Variants in PKNOX1 observed in about 807,000 individuals in gnomAD.
PKNOX1 encodes PBX/knotted 1 homeobox 1.
In PKNOX1, 15 loss-of-function variants were observed where a neutral mutation model predicts 51.9. That is an observed-to-expected ratio of 0.29 (90% CI 0.19 to 0.45). PKNOX1 has a LOEUF of 0.45. Ranked by LOEUF, PKNOX1 falls within the 20% of genes least tolerant of loss-of-function variation. The pLI, the probability that PKNOX1 is intolerant of heterozygous loss-of-function variation, is 1.00. For synonymous variants in PKNOX1, 219 were observed against 211.1 expected (o/e 1.04, Z -0.32); for missense variants, 462 against 547.5 (o/e 0.84, Z 1.56).
At chr21:42,974,705 TCTC>T in intron 1 of PKNOX1, 41 bp downstream of exon 1, 1 of 161,178 alleles carries the variant, frequency 6.2e-6, no homozygotes, top group Non-Finnish European at 1.3e-5. Flanking sequence ...CCGCCGCCGC[TCTC>T]GCCGCCGCCG....
intron 1 of PKNOX1, among the ~76,000 whole-genome samples, chr21:43,001,314 C>G (rs933205693): frequency 2.6e-5 from 4 of 152,186 alleles, no homozygotes; most frequent in Non-Finnish European, 5.9e-5. Context: ...CAAGGGTGTA[C>G]CTGTGTTGAT....
chr21:43,017,953 T>TA, intron 6 of PKNOX1, 180 bp from the exon 7 acceptor site: 2 of 551,684 alleles, frequency 3.6e-6, no homozygotes, highest in Admixed American at 6.5e-5. Context: ...CTCACATCTG[T>TA]AATTCCAGCA....
chr21:43,007,361 A>G (rs564145127), intron 2 of PKNOX1, 130 bp from the exon 3 acceptor site: 5 of 801,030 alleles, frequency 6.2e-6, no homozygotes, highest in Non-Finnish European at 1.0e-5. Flanking sequence ...TGTTGGTAGC[A>G]TTCTTTACAT....
chr21:42,986,961 G>C (rs995968130), intron 1 of PKNOX1, among the ~76,000 whole-genome samples: 1 of 152,124 alleles, frequency 6.6e-6, no homozygotes, highest in Non-Finnish European at 1.5e-5. Flanking sequence ...TGCTAGGCGC[G>C]GCACCTGGTG....
chr21:42,995,012 C>T (rs1426498698), intron 1 of PKNOX1, among the ~76,000 whole-genome samples: 16 of 148,994 alleles, frequency 1.1e-4, no homozygotes. Flanking sequence ...GCCTCCGCCT[C>T]CTGGGTTCAA....
At chr21:42,997,906 G>T (rs1478486529) in intron 1 of PKNOX1, among the ~76,000 whole-genome samples, 1 of 152,154 alleles carries the variant, frequency 6.6e-6, no homozygotes, top group East Asian at 1.9e-4. Context: ...AGTGCGGAAG[G>T]GGGTCAGTAA....
intron 2 of PKNOX1, 55 bp downstream of exon 2, chr21:43,004,487 A>AATGTTCATGCTTGAG: frequency 8.6e-7 from 1 of 1,166,162 alleles, no homozygotes; most frequent in Non-Finnish European, 1.3e-6. Context: ...GCACTCAAGC[A>AATGTTCATGCTTGAG]TGAACATTGC....
At chr21:43,002,411 C>T (rs924268565) in intron 1 of PKNOX1, among the ~76,000 whole-genome samples, 3 of 9,656 alleles carry the variant, frequency 3.1e-4, no homozygotes, top group Non-Finnish European at 6.8e-4. Flanking sequence ...TGTGCCCCCT[C>T]CCTTGTATCC....
chr21:43,018,084 A>T lies in PKNOX1; in HGVS notation c.623-49A>T, dbSNP rs910889524. On this transcript the variant is annotated intron_variant, in intron 6 of 10. Coordinates refer to ENST00000291547, the MANE Select transcript of PKNOX1 (RefSeq NM_004571.5). ...AAAAAAAAAAAAGAAGAATGGTTTA[A>T]ATCATTGAGACTTAAAAGCAGCCTC... 4 of 792,812 alleles carry T rather than the reference A, an allele frequency of 5.0e-6. No individual in the cohort carries two copies. In the African/African-American group the frequency reaches 5.5e-5, roughly 11 times the overall value. The allele number at this position is 792,812 out of a possible 1,614,324, so 49.1% of individuals were successfully genotyped here.
chr21:43,010,603 G>A (rs1490798689), intron 4 of PKNOX1, among the ~76,000 whole-genome samples: 3 of 151,990 alleles, frequency 2.0e-5, no homozygotes, highest in Non-Finnish European at 4.4e-5. Flanking sequence ...TGTAATCCCA[G>A]CACTTTGGGA....
At chr21:43,022,536 C>T (rs1979807983) in intron 8 of PKNOX1, among the ~76,000 whole-genome samples, 3 of 152,190 alleles carry the variant, frequency 2.0e-5, no homozygotes, top group Admixed American at 2.0e-4. Flanking sequence ...GCCTGGGCTG[C>T]GCCTCTTCTG....
At chr21:42,994,607 C>A (rs180808924) in intron 1 of PKNOX1, among the ~76,000 whole-genome samples, 2 of 151,928 alleles carry the variant, frequency 1.3e-5, no homozygotes, top group Admixed American at 1.3e-4. Context: ...TACCTAGATT[C>A]AACAGTTATT....
At chr21:42,978,080 A>ACTG (rs2059006771) in intron 1 of PKNOX1, among the ~76,000 whole-genome samples, 2 of 152,028 alleles carry the variant, frequency 1.3e-5, no homozygotes, top group Admixed American at 1.3e-4. Flanking sequence ...ATCATGGCTC[A>ACTG]CTGCAACCTC....
At position 43,008,061 on chromosome 21, in the gene PKNOX1, T is replaced by TCACACACA. The variant is rs56932866; in HGVS notation, c.179+472_179+479dup. Reference sequence around the variant, plus strand: ...CCTGGGCAACGAGAGCAAAACTCTGTCACACACACACACACACACACACAC... The same window carrying TCACACACA: ...CCTGGGCAACGAGAGCAAAACTCTGTCACACACACACACACACACACACACACACACAC... On this transcript the variant is annotated intron_variant, in intron 3 of 10. Transcript: ENST00000291547. Among the ~76,000 whole-genome samples the TCACACACA allele has an allele frequency of 8.9e-3, 1,303 of 146,856 alleles. 11 individuals carry two copies. Among genetic ancestry groups the TCACACACA allele is most frequent in the Middle Eastern group, 0.021 (6 of 292 alleles).
chr21:43,027,362 T>C (rs1001030308), intron 9 of PKNOX1, among the ~76,000 whole-genome samples: 31 of 152,196 alleles, frequency 2.0e-4, no homozygotes, highest in African/African-American at 6.8e-4. Context: ...TTTCAGCTCT[T>C]TTTGTAGCAA....
intron 2 of PKNOX1, among the ~76,000 whole-genome samples, chr21:43,005,734 G>A (rs187106505): frequency 2.0e-5 from 3 of 152,024 alleles, no homozygotes; most frequent in South Asian, 2.1e-4. Context: ...CTGGAGCACC[G>A]GTCCTCACTG....
chr21:43,013,997 G>C (rs1979367430), intron 5 of PKNOX1, among the ~76,000 whole-genome samples: 1 of 147,164 alleles, frequency 6.8e-6, no homozygotes, highest in African/African-American at 2.5e-5. Context: ...TTGATAAAAT[G>C]TCTGCTGCTT....
intron 1 of PKNOX1, among the ~76,000 whole-genome samples, chr21:42,998,540 C>T (rs950713031): frequency 1.3e-5 from 2 of 152,152 alleles, no homozygotes; most frequent in Non-Finnish European, 2.9e-5. Flanking sequence ...AAGTCCCTTC[C>T]ATGTATGAGC....
At chr21:43,015,808 T>C (rs1163994049) in intron 5 of PKNOX1, among the ~76,000 whole-genome samples, 5 of 152,062 alleles carry the variant, frequency 3.3e-5, no homozygotes, top group African/African-American at 1.2e-4. Flanking sequence ...ATTGATCTTT[T>C]GTGTCTCTAT....
Sources: allele counts gnomAD v4.1 joint callset (sites outside exome capture counted in the v4.1 genomes callset), GRCh38; gene constraint gnomAD v4.1.1; transcripts MANE v1.5; gene names NCBI Gene and HGNC (gene_info 2026-07-23, HGNC 2026-07-21).